Variants in APP observed in about 807,000 individuals in gnomAD.
APP encodes the protein amyloid beta precursor protein.
Under a neutral mutation model 101.4 loss-of-function variants are expected in APP, and 31 were observed. The ratio of observed to expected loss-of-function variants is 0.31; its 90% CI spans 0.23 to 0.41. The LOEUF (loss-of-function observed/expected upper bound fraction) is 0.41. APP is among the 10% of genes least tolerant of loss of function. The pLI, the probability that APP is intolerant of heterozygous loss-of-function variation, is 1.00. For synonymous variants in APP, 366 were observed against 364.4 expected, an observed-to-expected ratio of 1.00 and a Z score of -0.05; for missense variants, 839 against 1,003.7, an observed-to-expected ratio of 0.84 and a Z score of 2.22.
chr21:25,895,574 A>G, intron 16 of APP, among the ~76,000 whole-genome samples: 1 of 152,164 alleles, frequency 6.6e-6, no homozygotes, highest in East Asian at 1.9e-4. Context: ...GTACCTCCCT[A>G]AAAAATTCTT....
chr21:26,020,374 TG>T (rs2044284947), intron 6 of APP, among the ~76,000 whole-genome samples: 1 of 152,192 alleles, frequency 6.6e-6, no homozygotes, highest in South Asian at 2.1e-4. Context: ...TTGCACAGCT[TG>T]GCAAATTTCT....
intron 15 of APP, among the ~76,000 whole-genome samples, chr21:25,900,987 C>CAAAAAAAAAAAAAAAAAAAAAAA (rs71183520): frequency 5.1e-5 from 6 of 118,564 alleles, no homozygotes; most frequent in East Asian, 3.2e-4. Flanking sequence ...GACTCCATCT[C>CAAAAAAAAAAAAAAAAAAAAAAA]AAAAAAAAAA....
At chr21:25,979,826 AC>A (rs55753037) in intron 9 of APP, among the ~76,000 whole-genome samples, 151,805 of 151,810 alleles carry the variant, frequency 1, 75,900 homozygotes, top group Middle Eastern at 1. Flanking sequence ...AAAAAATGCT[AC>A]AGTGGGTCCA....
chr21:26,077,318 A>G (rs1315312606), intron 3 of APP, among the ~76,000 whole-genome samples: 3 of 152,112 alleles, frequency 2.0e-5, no homozygotes, highest in Non-Finnish European at 4.4e-5. Flanking sequence ...ACTATGGAAC[A>G]TGAGCCCACC....
intron 3 of APP, among the ~76,000 whole-genome samples, chr21:26,086,108 G>A (rs564100277): frequency 6.6e-6 from 1 of 152,300 alleles, no homozygotes; most frequent in Admixed American, 6.5e-5. Flanking sequence ...ACCATGAAGA[G>A]CAGTCATTCA....
At chr21:26,099,579 C>T (rs568059872) in intron 2 of APP, among the ~76,000 whole-genome samples, 1 of 152,272 alleles carries the variant, frequency 6.6e-6, no homozygotes, top group Admixed American at 6.5e-5. Context: ...AAAGCATGTC[C>T]TAGACAATAT....
chr21:25,986,182 G>A (rs1332429035), intron 8 of APP, among the ~76,000 whole-genome samples: 1 of 152,114 alleles, frequency 6.6e-6, no homozygotes, highest in East Asian at 1.9e-4. Context: ...GAAGGGAGTG[G>A]GGCTCAAGGA....
chr21:26,059,646 T>C (rs2234986), intron 3 of APP, among the ~76,000 whole-genome samples: 56,765 of 151,798 alleles, frequency 0.37, 10,899 homozygotes, highest in Middle Eastern at 0.47. Flanking sequence ...ATCCCAGCAC[T>C]TTGGGAGGCC....
At chr21:25,986,605 C>T (rs1002451005) in intron 8 of APP, among the ~76,000 whole-genome samples, 3 of 140,200 alleles carry the variant, frequency 2.1e-5, no homozygotes, top group Non-Finnish European at 4.5e-5. Flanking sequence ...GAGGCTGAGG[C>T]AGGAGAATCG....
Position 25,918,948 on chromosome 21 carries a change from A to G in APP, c.1688-6986T>C, listed in dbSNP as rs751282007. On this transcript the variant is annotated intron_variant, in intron 13 of 17. Transcript: ENST00000346798. ...GGGCAGGGCACAGACAAACAAAAAG[A>G]CAGCAGTAACCTCTGCAGACTTAAA... Among the ~76,000 whole-genome samples the G allele has an allele frequency of 9.2e-4, 116 of 125,560 alleles. 2 individuals are homozygous for G. Among genetic ancestry groups the G allele is most frequent in the Admixed American group, 2.0e-3 (23 of 11,514 alleles). 82.4% of individuals were successfully genotyped at this position (125,560 alleles called of 152,430 possible). A position where few individuals can be genotyped will look rare whatever the true frequency, so the allele number is the denominator to read the frequency against.
intron 5 of APP, among the ~76,000 whole-genome samples, chr21:26,033,959 G>A (rs1385100354): frequency 6.6e-6 from 1 of 152,184 alleles, no homozygotes; most frequent in Non-Finnish European, 1.5e-5. Flanking sequence ...TTGAGATTCT[G>A]TAAGACCCCG....
intron 1 of APP, among the ~76,000 whole-genome samples, chr21:26,131,421 T>C (rs747267588): frequency 1.2e-4 from 18 of 152,286 alleles, no homozygotes; most frequent in East Asian, 1.9e-4. Context: ...TTTAAGACAA[T>C]TGCGCATAGA....
Position 25,973,186 on chromosome 21 carries a change from A to G in APP, c.1458+1884T>C, listed in dbSNP as rs1288613301. Among the ~76,000 whole-genome samples the G allele has an allele frequency of 2.0e-5, 3 of 152,186 alleles. No individual in the cohort carries two copies. The East Asian group carries it at 5.8e-4, about 29-fold the overall frequency. ...ATCCAAAAAAAAAAGAGGAAAAAAG[A>G]AGAACAAGGAACAGACTGGACAAAT... On this transcript the variant is annotated intron_variant, in intron 11 of 17. Coordinates refer to ENST00000346798, the MANE Select transcript of APP (RefSeq NM_000484.4).
At chr21:25,933,749 T>A (rs1329607192) in intron 13 of APP, 1 of 152,050 alleles carries the variant, frequency 6.6e-6, no homozygotes, top group Non-Finnish European at 1.5e-5. Context: ...CTCAAGCAAA[T>A]GCAAAGCATT....
At chr21:26,150,860 TC>T (rs1339896172) in intron 1 of APP, among the ~76,000 whole-genome samples, 1 of 152,256 alleles carries the variant, frequency 6.6e-6, no homozygotes, top group Non-Finnish European at 1.5e-5. Context: ...TTATTAGTTT[TC>T]AACAGTATCA....
intron 1 of APP, among the ~76,000 whole-genome samples, chr21:26,115,609 A>G (rs1407020333): frequency 1.3e-5 from 2 of 152,226 alleles, no homozygotes; most frequent in Admixed American, 6.5e-5. Flanking sequence ...TTGCCATCCA[A>G]GGGTTAACTC....
At chr21:25,893,348 C>T (rs1444648610) in intron 16 of APP, among the ~76,000 whole-genome samples, 1 of 152,134 alleles carries the variant, frequency 6.6e-6, no homozygotes, top group East Asian at 1.9e-4. Flanking sequence ...GGAAGAGTCA[C>T]AGGTCTCTCA....
chr21:25,956,154 T>C (rs999306612), intron 11 of APP, among the ~76,000 whole-genome samples: 2 of 152,192 alleles, frequency 1.3e-5, no homozygotes, highest in East Asian at 1.9e-4. Flanking sequence ...CCAGAGGTAA[T>C]GTCACACAGA....
At chr21:25,908,778 T>C (rs2038916618) in intron 14 of APP, among the ~76,000 whole-genome samples, 1 of 151,982 alleles carries the variant, frequency 6.6e-6, no homozygotes, top group South Asian at 2.1e-4. Context: ...TTAATGCTCA[T>C]ACTATACCTC....
Sources: gnomAD v4.1 joint callset for allele counts (sites outside exome capture counted in the v4.1 genomes callset) on GRCh38, gnomAD v4.1.1 for gene constraint, MANE v1.5 for transcripts, NCBI Gene and HGNC (gene_info 2026-07-23, HGNC 2026-07-21) for gene names.